The following SEMA5A variants were observed in gnomAD, a reference collection of about 807,000 sequenced individuals.
SEMA5A encodes the protein semaphorin-5A.
Under a neutral mutation model 135.5 loss-of-function variants are expected in SEMA5A, and 55 were observed. The ratio of observed to expected loss-of-function variants is 0.41; its 90% confidence interval spans 0.33 to 0.51. SEMA5A has a LOEUF of 0.51. Ranked by LOEUF, SEMA5A falls within the 20% of genes least tolerant of loss-of-function variation. SEMA5A has a pLI of 0.37. For synonymous variants in SEMA5A, 580 were observed against 546.5 expected (o/e 1.06, Z -0.85); for missense variants, 1,290 against 1,419.9 (o/e 0.91, Z 1.47).
chr5:9,275,702 C>A (rs1383918051), intron 5 of SEMA5A, among the ~76,000 whole-genome samples: 1 of 152,116 alleles, frequency 6.6e-6, no homozygotes, highest in Non-Finnish European at 1.5e-5. Context: ...TCAAGGTAAT[C>A]CATCACATAA....
chr5:9,050,469 A>G lies in SEMA5A; in HGVS notation c.2846-12T>C, dbSNP rs1736508895. 3 of 1,611,884 alleles carry G rather than the reference A, an allele frequency of 1.9e-6. No homozygotes were observed. Among genetic ancestry groups the G allele is most frequent in the African/African-American group, 1.3e-5 (1 of 75,022 alleles). ...TGCCACAGATACTTCTGGAAAAAGA[A>G]AAGTCGAATCACAATGTGTAAAAGG... On this transcript the variant is annotated splice_polypyrimidine_tract_variant and intron_variant, in intron 20 of 22. Coordinates refer to ENST00000382496, the MANE Select transcript of SEMA5A (RefSeq NM_003966.3).
intron 11 of SEMA5A, among the ~76,000 whole-genome samples, chr5:9,158,397 T>C (rs1185857596): frequency 6.6e-6 from 1 of 152,036 alleles, no homozygotes; most frequent in Non-Finnish European, 1.5e-5. Flanking sequence ...ACAAAACTTC[T>C]ATACTTCTGA....
intron 1 of SEMA5A, among the ~76,000 whole-genome samples, chr5:9,456,799 A>G (rs1377081256): frequency 6.6e-6 from 1 of 152,238 alleles, no homozygotes; most frequent in African/African-American, 2.4e-5. Context: ...ACATCATTTT[A>G]AAGAACCATT....
rs1693030153 is a variant in SEMA5A at position 9,386,057 on chromosome 5, C to T, written c.-77-6034G>A. Among the ~76,000 whole-genome samples, 8 of 152,242 alleles carry T rather than the reference C, an allele frequency of 5.3e-5. 2 individuals are homozygous for T. The highest frequency in any genetic ancestry group is 4.6e-4 in the Admixed American group (7 of 15,308). ...CCTCGTGATCTGCCCACCTCAGCCT[C>T]CCAAAGTGCTGGGATTACAGGCATG... On this transcript the variant is annotated intron_variant, in intron 2 of 22. Transcript: ENST00000382496.
intron 1 of SEMA5A, among the ~76,000 whole-genome samples, chr5:9,450,360 C>T (rs1327861863): frequency 6.6e-6 from 1 of 152,188 alleles, no homozygotes; most frequent in Non-Finnish European, 1.5e-5. Context: ...GCTCACTTTT[C>T]ATAGATATCA....
At chr5:9,223,452 AT>A (rs1311151709) in intron 8 of SEMA5A, among the ~76,000 whole-genome samples, 1 of 152,148 alleles carries the variant, frequency 6.6e-6, no homozygotes, top group Non-Finnish European at 1.5e-5. Context: ...TGCTGAAAAC[AT>A]TTTTTGTTGT....
At chr5:9,339,406 C>T (rs975891436) in intron 3 of SEMA5A, among the ~76,000 whole-genome samples, 3 of 152,102 alleles carry the variant, frequency 2.0e-5, no homozygotes, top group Non-Finnish European at 4.4e-5. Flanking sequence ...GTGGCCATAA[C>T]TGGTATCACT....
chr5:9,540,088 T>C (rs1737993673), intron 1 of SEMA5A, among the ~76,000 whole-genome samples: 1 of 152,220 alleles, frequency 6.6e-6, no homozygotes. Flanking sequence ...TATTGCAGTC[T>C]ATACTATATA....
chr5:9,468,134 A>G (rs997383007), intron 1 of SEMA5A, among the ~76,000 whole-genome samples: 3 of 152,220 alleles, frequency 2.0e-5, no homozygotes, highest in Non-Finnish European at 2.9e-5. Flanking sequence ...TGCTGCCACA[A>G]AAACGGCAGG....
At chr5:9,217,626 C>T (rs1009235942) in intron 8 of SEMA5A, among the ~76,000 whole-genome samples, 4 of 152,106 alleles carry the variant, frequency 2.6e-5, no homozygotes, top group Admixed American at 6.5e-5. Context: ...TCAGGGATGC[C>T]GAGGATTCAT....
intron 1 of SEMA5A, among the ~76,000 whole-genome samples, chr5:9,486,902 A>C (rs990198179): frequency 6.6e-6 from 1 of 152,192 alleles, no homozygotes. Context: ...TCAAATTTTC[A>C]AAAGAAAAAT....
chr5:9,175,779 G>A (rs936235956), intron 11 of SEMA5A, among the ~76,000 whole-genome samples: 13 of 152,220 alleles, frequency 8.5e-5, no homozygotes, highest in African/African-American at 1.4e-4. Context: ...GAACAGCCTC[G>A]TAATTGGAGT....
At chr5:9,500,787 A>C (rs1282473383) in intron 1 of SEMA5A, among the ~76,000 whole-genome samples, 1 of 152,198 alleles carries the variant, frequency 6.6e-6, no homozygotes, top group Non-Finnish European at 1.5e-5. Context: ...TGCGGTCCAC[A>C]TTATATGTGT....
chr5:9,224,816 A>G lies in SEMA5A; in HGVS notation c.504T>C (p.Asn168=). The change falls in exon 8 of 23, where the codon AAT becomes AAC. Residue 168 remains asparagine (N), a synonymous_variant. Transcript: ENST00000382496. The part of the protein sequence containing the change: ...MARCPYSPQH[N]STALLTAGGE... ...CACCAGCTGTGAGGAGCGCTGTGGA[A>G]TTGTGCTGGGGACTGTAGGGACAGC... is the stretch of plus-strand genomic sequence containing the variant. The G allele has an allele frequency of 6.2e-7, 1 of 1,614,052 alleles. No individual in the cohort carries two copies. Among genetic ancestry groups the G allele is most frequent in the Non-Finnish European group, 8.5e-7 (1 of 1,179,962 alleles).
At chr5:9,051,263 G>C (rs1045312374) in intron 20 of SEMA5A, among the ~76,000 whole-genome samples, 3 of 152,142 alleles carry the variant, frequency 2.0e-5, no homozygotes, top group Non-Finnish European at 4.4e-5. Context: ...TAAGAGGCTG[G>C]TCCACCTAAC....
At chr5:9,208,160 C>T (rs749807811) in intron 8 of SEMA5A, among the ~76,000 whole-genome samples, 3 of 152,080 alleles carry the variant, frequency 2.0e-5, no homozygotes, top group Non-Finnish European at 2.9e-5. Flanking sequence ...AAATACAGAC[C>T]TCTATTTATT....
intron 3 of SEMA5A, among the ~76,000 whole-genome samples, chr5:9,346,703 G>C (rs77911829): frequency 0.027 from 4,146 of 152,270 alleles, 84 homozygotes; most frequent in Admixed American, 0.049. Flanking sequence ...TGGCCAGCTG[G>C]TTCCAGCGTG....
chr5:9,440,088 T>C (rs1213091064), intron 1 of SEMA5A, among the ~76,000 whole-genome samples: 1 of 152,266 alleles, frequency 6.6e-6, no homozygotes, highest in African/African-American at 2.4e-5. Flanking sequence ...AACACACCCA[T>C]GTGTGCCTGG....
chr5:9,517,840 T>A (rs1736611761), intron 1 of SEMA5A: 1 of 152,172 alleles, frequency 6.6e-6, no homozygotes, highest in African/African-American at 2.4e-5. Flanking sequence ...GTGACTCAAT[T>A]TCTAGACTTA....
Sources: gnomAD v4.1 joint callset for allele counts (sites outside exome capture counted in the v4.1 genomes callset) on GRCh38, gnomAD v4.1.1 for gene constraint, MANE v1.5 for transcripts, NCBI Gene and HGNC (gene_info 2026-07-23, HGNC 2026-07-21) for gene names.